The following PIBF1 variants were observed in gnomAD, a reference collection of about 807,000 sequenced individuals.
PIBF1 encodes progesterone immunomodulatory binding factor 1, also known as progesterone-induced-blocking factor 1.
A neutral mutation model predicts 112.5 loss-of-function variants in PIBF1; 90 were observed. The ratio of observed to expected loss-of-function variants is 0.80; its 90% confidence interval spans 0.67 to 0.95. The LOEUF (loss-of-function observed/expected upper bound fraction) is 0.95, where lower values mean the gene tolerates loss of function less well. Ranked by LOEUF, PIBF1 falls within the 40% of genes least tolerant of loss-of-function variation. The pLI, the probability that PIBF1 is intolerant of heterozygous loss-of-function variation, is 0.00. For missense variants in PIBF1, 915 were observed against 852.3 expected (o/e 1.07, Z -0.92); for synonymous variants, 301 against 288.6 (o/e 1.04, Z -0.44).
At chr13:72,790,373 T>G (rs2034833166) in intron 2 of PIBF1, among the ~76,000 whole-genome samples, 2 of 149,784 alleles carry the variant, frequency 1.3e-5, no homozygotes, top group Admixed American at 1.3e-4. Flanking sequence ...AAGGTGTAAC[T>G]TATAGATTCC....
chr13:72,993,873 A>C (rs553568626), intron 16 of PIBF1, among the ~76,000 whole-genome samples: 2 of 152,264 alleles, frequency 1.3e-5, no homozygotes, highest in Non-Finnish European at 2.9e-5. Flanking sequence ...AACATTAATA[A>C]ATTGTATGCC....
intron 2 of PIBF1, among the ~76,000 whole-genome samples, chr13:72,790,095 G>A (rs2034819820): frequency 6.6e-6 from 1 of 152,040 alleles, no homozygotes; most frequent in Non-Finnish European, 1.5e-5. Flanking sequence ...TTTCTTATGG[G>A]CTGGATTTAG....
rs113711991 is a variant in PIBF1 at position 72,964,712 on chromosome 13, C to T, written c.1834-562C>T. 6.9e-3 allele frequency among the ~76,000 whole-genome samples: 1,053 copies of T among 152,170 alleles called. 23 individuals carry two copies. Among genetic ancestry groups the T allele is most frequent in the African/African-American group, 0.024 (989 of 41,518 alleles). On this transcript the variant is annotated intron_variant, in intron 14 of 17. Coordinates refer to ENST00000326291, the MANE Select transcript of PIBF1 (RefSeq NM_006346.4). ...TGTCATATAGCTTTTCAGACCAAGA[C>T]AAATACTAAGAAAATTTAAGTTTAT...
At position 72,893,778 on chromosome 13, in the gene PIBF1, T is replaced by C; in HGVS notation, c.1323-6T>C. 6.5e-7 allele frequency: 1 copy of C among 1,547,082 alleles called. No individual in the cohort carries two copies. On this transcript the variant is annotated splice_region_variant and splice_polypyrimidine_tract_variant and intron_variant, in intron 10 of 17. Coordinates refer to ENST00000326291, the MANE Select transcript of PIBF1 (RefSeq NM_006346.4). Reference sequence around the variant, plus strand: ...TAGAGTGTCATAACCATTCTGCTTCTTTCAGGTACAGAGAACTACAACTTA... The same window carrying C: ...TAGAGTGTCATAACCATTCTGCTTCCTTCAGGTACAGAGAACTACAACTTA...
chr13:72,998,349 G>A (rs533711033), intron 16 of PIBF1, among the ~76,000 whole-genome samples: 50 of 152,106 alleles, frequency 3.3e-4, no homozygotes, highest in South Asian at 8.3e-4. Context: ...GGTGGCATGC[G>A]CCTGTAGTCC....
In PIBF1 at chr13:72,965,402, C is replaced by A; in HGVS notation, c.1962C>A (p.Val654=). ...TESIAQLEKD[V]SNLNKEKSAL... The stretch of plus-strand genomic sequence containing the variant: ...CTATTGCACAACTTGAGAAAGATGT[C>A]AGGTAAACCATCTACAAATCTTTTA... Residue 654 remains valine, a splice_region_variant and synonymous_variant, in exon 15 of 18, where the codon GTC becomes GTA. Transcript: ENST00000326291. 1 of 1,600,388 alleles carries A rather than the reference C, an allele frequency of 6.2e-7. No individual in the cohort carries two copies. Among genetic ancestry groups the A allele is most frequent in the South Asian group, 1.1e-5 (1 of 88,024 alleles).
At position 72,876,134 on chromosome 13, in the gene PIBF1, C is replaced by CTTTTTTTT. The variant is rs386363749; in HGVS notation, c.1323-17638_1323-17631dup. Among the ~76,000 whole-genome samples, 287 of 91,204 alleles carry CTTTTTTTT rather than the reference C, an allele frequency of 3.1e-3. 4 individuals are homozygous for CTTTTTTTT. Among genetic ancestry groups the CTTTTTTTT allele is most frequent in the Non-Finnish European group, 3.5e-3 (176 of 50,406 alleles). The allele number at this position is 91,204 out of a possible 152,430, so 59.8% of individuals were successfully genotyped here. ...AAAGGTGTAAGTCTGTGTTCAGATT[C>CTTTTTTTT]TTTTTTTTTTTTTTTTTTTGCATGT... On this transcript the variant is annotated intron_variant, in intron 10 of 17. Transcript: ENST00000326291.
At position 72,863,341 on chromosome 13, in the gene PIBF1, AT is replaced by A. The variant is rs772415814; in HGVS notation, c.1322+9192del. On this transcript the variant is annotated intron_variant, in intron 10 of 17. Coordinates refer to ENST00000326291, the MANE Select transcript of PIBF1 (RefSeq NM_006346.4). ...AATACAGTTTGGATTAAAAAATAAA[AT>A]TTTTTCCACATTAATAAGTGACTCA... 2.6e-5 allele frequency among the ~76,000 whole-genome samples: 4 copies of A among 152,090 alleles called. No homozygotes were observed. In the East Asian group the frequency reaches 7.7e-4, roughly 29 times the overall value.
intron 14 of PIBF1, among the ~76,000 whole-genome samples, chr13:72,945,419 A>G (rs750053493): frequency 6.6e-6 from 1 of 152,198 alleles, no homozygotes; most frequent in Non-Finnish European, 1.5e-5. Flanking sequence ...TGAGATTGCT[A>G]GGTTGAATGA....
intron 8 of PIBF1, among the ~76,000 whole-genome samples, chr13:72,834,321 T>C (rs1249786533): frequency 6.6e-6 from 1 of 152,226 alleles, no homozygotes; most frequent in Non-Finnish European, 1.5e-5. Flanking sequence ...CCTTGAATTA[T>C]ATCGACATAC....
intron 2 of PIBF1, 35 bp from the exon 3 acceptor site, chr13:72,792,412 C>A: frequency 8.0e-7 from 1 of 1,247,100 alleles, no homozygotes; most frequent in African/African-American, 1.5e-5. Flanking sequence ...TTCTTTATGA[C>A]AAATCATATA....
Position 72,966,655 on chromosome 13 carries a change from TC to T in PIBF1, c.1964+1254del, listed in dbSNP as rs527476128. Among the ~76,000 whole-genome samples the T allele has an allele frequency of 3.4e-3, 525 of 152,206 alleles. 1 individual carries two copies. Among genetic ancestry groups the T allele is most frequent in the Non-Finnish European group, 6.4e-3 (433 of 68,000 alleles). ...CAGGCGCAGTGGCTCACACCTGTAA[TC>T]CCAGCACTTTGGGAGGCTGAGGCAG... On this transcript the variant is annotated intron_variant, in intron 15 of 17. Coordinates refer to ENST00000326291, the MANE Select transcript of PIBF1 (RefSeq NM_006346.4).
chr13:72,782,174 C>T lies in PIBF1; in HGVS notation c.-223C>T. The T allele has an allele frequency of 3.9e-6, 1 of 259,638 alleles. No individual in the cohort carries two copies. 16.1% of individuals were successfully genotyped at this position (259,638 alleles called of 1,614,324 possible). A position where few individuals can be genotyped will look rare whatever the true frequency, so the allele number is the denominator to read the frequency against. The stretch of plus-strand genomic sequence containing the variant: ...GGCTTGTGGGAGTGCTGGTTCTGTC[C>T]TCCTTGCGGGTGCGGAGATGGTTGT... On this transcript the variant is annotated 5_prime_UTR_variant, in exon 1 of 18. Coordinates refer to ENST00000326291, the MANE Select transcript of PIBF1 (RefSeq NM_006346.4).
intron 14 of PIBF1, among the ~76,000 whole-genome samples, chr13:72,941,452 A>G (rs2042004902): frequency 2.0e-5 from 3 of 152,226 alleles, no homozygotes. Flanking sequence ...CTAGTTATTC[A>G]GTAAATATTT....
chr13:72,903,420 A>G (rs1860627417), intron 11 of PIBF1, among the ~76,000 whole-genome samples: 1 of 152,198 alleles, frequency 6.6e-6, no homozygotes, highest in South Asian at 2.1e-4. Context: ...ACAAATTTTA[A>G]GAAATGATTC....
chr13:72,873,479 T>C (rs1347098071), intron 10 of PIBF1, among the ~76,000 whole-genome samples: 6 of 152,286 alleles, frequency 3.9e-5, no homozygotes, highest in African/African-American at 1.2e-4. Flanking sequence ...CTCTGCTCAC[T>C]GCAACCTCCA....
chr13:72,789,112 A>G (rs2034757641), intron 2 of PIBF1, among the ~76,000 whole-genome samples: 2 of 152,132 alleles, frequency 1.3e-5, no homozygotes, highest in African/African-American at 4.8e-5. Flanking sequence ...TTAGCTTTAC[A>G]CTTTTATTTC....
intron 11 of PIBF1, among the ~76,000 whole-genome samples, chr13:72,908,294 TTTTA>T (rs2040769766): frequency 6.6e-6 from 1 of 152,184 alleles, no homozygotes; most frequent in Non-Finnish European, 1.5e-5. Flanking sequence ...TAAATTCATT[TTTTA>T]TTCAGCTTAT....
At chr13:72,843,518 T>G (rs2037702383) in intron 9 of PIBF1, among the ~76,000 whole-genome samples, 1 of 152,214 alleles carries the variant, frequency 6.6e-6, no homozygotes, top group African/African-American at 2.4e-5. Flanking sequence ...TTTAAGTGAT[T>G]ATCCTGCCTC....
Sources: allele counts gnomAD v4.1 joint callset (sites outside exome capture counted in the v4.1 genomes callset), GRCh38; gene constraint gnomAD v4.1.1; transcripts MANE v1.5; gene names NCBI Gene and HGNC (gene_info 2026-07-23, HGNC 2026-07-21).